C2orf76: variants seen among roughly 807,000 people sequenced by gnomAD.
C2orf76 encodes the protein UPF0538 protein C2orf76.
A neutral mutation model predicts 16.9 loss-of-function variants in C2orf76; 23 were observed. That is an observed-to-expected ratio of 1.36 (90% CI 0.98 to 1.93). The LOEUF is 1.93. Among genes scored for constraint, C2orf76 ranks in the 30% most tolerant of loss-of-function variants. The pLI is 0.00. For missense variants in C2orf76, 152 were observed against 152.6 expected, an observed-to-expected ratio of 1.00 and a Z score of 0.02; for synonymous variants, 48 against 52.3, an observed-to-expected ratio of 0.92 and a Z score of 0.35.
the C2orf76 span, among the ~76,000 whole-genome samples, chr2:119,290,114 C>T: frequency 2.0e-5 from 3 of 151,838 alleles, no homozygotes; most frequent in African/African-American, 7.2e-5. Flanking sequence ...ATGGGAGTCA[C>T]CATTTGACCC....
chr2:119,332,676 G>A (rs141239716), intron 2 of C2orf76, among the ~76,000 whole-genome samples: 4 of 152,110 alleles, frequency 2.6e-5, no homozygotes, highest in African/African-American at 4.8e-5. Flanking sequence ...TAGCACACCC[G>A]CTCTGTTGTT....
At chr2:119,333,818 A>T (rs1350862672) in intron 2 of C2orf76, among the ~76,000 whole-genome samples, 1 of 152,232 alleles carries the variant, frequency 6.6e-6, no homozygotes, top group Non-Finnish European at 1.5e-5. Flanking sequence ...ACTGGCCTAA[A>T]TTTTTCTTTA....
At chr2:119,355,763 C>T (rs1680550634) in intron 1 of C2orf76, among the ~76,000 whole-genome samples, 1 of 152,112 alleles carries the variant, frequency 6.6e-6, no homozygotes, top group Non-Finnish European at 1.5e-5. Flanking sequence ...CATGAAAAAA[C>T]TGTCTTCCAT....
At chr2:119,295,233 C>T in the C2orf76 span, among the ~76,000 whole-genome samples, 8 of 152,168 alleles carry the variant, frequency 5.3e-5, no homozygotes, top group South Asian at 1.7e-3. Flanking sequence ...CGAGAGATAG[C>T]TGCGGTCAGC....
intron 2 of C2orf76, among the ~76,000 whole-genome samples, chr2:119,325,459 A>AAC (rs1679481006): frequency 7.1e-6 from 1 of 141,086 alleles, no homozygotes; most frequent in Non-Finnish European, 1.5e-5. Flanking sequence ...GACTGTCTCA[A>AAC]AAAAAAAAAA....
intron 5 of C2orf76, among the ~76,000 whole-genome samples, chr2:119,310,920 GAC>G (rs1272470932): frequency 6.6e-6 from 1 of 152,164 alleles, no homozygotes; most frequent in East Asian, 1.9e-4. Context: ...CATGGCTTGT[GAC>G]ACTGCATCCG....
chr2:119,329,207 G>C (rs1045558758), intron 2 of C2orf76, among the ~76,000 whole-genome samples: 6 of 152,002 alleles, frequency 3.9e-5, no homozygotes, highest in Admixed American at 6.6e-5. Flanking sequence ...CATTTATTTT[G>C]AAATTCTGTT....
chr2:119,299,744 T>C (rs1678588874), downstream of C2orf76, among the ~76,000 whole-genome samples: 1 of 152,258 alleles, frequency 6.6e-6, no homozygotes, highest in African/African-American at 2.4e-5. Context: ...TATACATACA[T>C]ATTTTTGCAT....
intron 4 of C2orf76, among the ~76,000 whole-genome samples, chr2:119,315,014 G>A (rs1419765923): frequency 6.6e-6 from 1 of 152,148 alleles, no homozygotes; most frequent in African/African-American, 2.4e-5. Flanking sequence ...GAGGGGTGAG[G>A]AAGGACAGCA....
chr2:119,298,432 T>C (rs79610289), downstream of C2orf76, among the ~76,000 whole-genome samples: 2,468 of 152,204 alleles, frequency 0.016, 60 homozygotes, highest in African/African-American at 0.055. Context: ...TTCTATTCCA[T>C]TGATCATTTT....
rs181084924 is a variant in C2orf76, at chr2:119,334,346, T to C, written c.133+5481A>G. ...TTTGTCAAAAACCCAAAGAACTTTG[T>C]AGCACAAAGAGTGAACCTCAATGTA... On this transcript the variant is annotated intron_variant, in intron 2 of 5. Transcript: ENST00000334816. 6.0e-3 allele frequency among the ~76,000 whole-genome samples: 720 copies of C among 119,548 alleles called. 5 individuals are homozygous for C. Among genetic ancestry groups the C allele is most frequent in the African/African-American group, 0.022 (695 of 31,410 alleles). 78.4% of individuals were successfully genotyped at this position (119,548 alleles called of 152,430 possible). A position where few individuals can be genotyped will look rare whatever the true frequency, so the allele number is the denominator to read the frequency against.
intron 1 of C2orf76, among the ~76,000 whole-genome samples, chr2:119,346,723 T>C (rs1376616639): frequency 2.0e-5 from 3 of 152,212 alleles, no homozygotes; most frequent in Non-Finnish European, 2.9e-5. Context: ...TTCTTGACTG[T>C]AGTGTTACCC....
intron 1 of C2orf76, among the ~76,000 whole-genome samples, chr2:119,347,420 T>A (rs530706871): frequency 2.0e-5 from 3 of 152,232 alleles, no homozygotes; most frequent in Non-Finnish European, 4.4e-5. Context: ...TATTAGATGA[T>A]ATTAGGAATT....
Position 119,323,909 on chromosome 2 carries a change from T to C in C2orf76, c.134-2705A>G, listed in dbSNP as rs182409545. Among the ~76,000 whole-genome samples, 18 of 152,296 alleles carry C rather than the reference T, an allele frequency of 1.2e-4. 1 individual carries two copies. In the East Asian group the frequency reaches 3.1e-3, roughly 26 times the overall value. ...AAATTTCTTGACTTTTAAAACACTA[T>C]AGGCCAAAAGAAACCTCTCTGGAGG... On this transcript the variant is annotated intron_variant, in intron 2 of 5. Transcript: ENST00000334816.
chr2:119,323,213 G>A (rs1679403148), intron 2 of C2orf76, among the ~76,000 whole-genome samples: 1 of 150,812 alleles, frequency 6.6e-6, no homozygotes, highest in Admixed American at 6.6e-5. Flanking sequence ...TAATAGACAG[G>A]TTTCACTAGG....
chr2:119,286,600 T>A, the C2orf76 span, among the ~76,000 whole-genome samples: 1 of 152,090 alleles, frequency 6.6e-6, no homozygotes, highest in African/African-American at 2.4e-5. Flanking sequence ...CACTACACCA[T>A]GCCAGAGTGT....
intron 4 of C2orf76, among the ~76,000 whole-genome samples, chr2:119,314,014 G>GT (rs368623211): frequency 0.064 from 5,499 of 85,970 alleles, 396 homozygotes; most frequent in African/African-American, 0.13. Flanking sequence ...TTTCTCAGTG[G>GT]TTTTTTTTTT....
In C2orf76 at chr2:119,348,046, CAAAA is replaced by C. The variant is rs1205382710; in HGVS notation, c.-12-8079_-12-8076del. ...TGGGAAACAGGACAAGGCTCTGTCTCAAAAAAAAAAAAAAAAAAAAAAAATACTA... is the reference window on the plus strand; with the variant it reads ...TGGGAAACAGGACAAGGCTCTGTCTCAAAAAAAAAAAAAAAAAAAATACTA... On this transcript the variant is annotated intron_variant, in intron 1 of 5. Coordinates refer to ENST00000334816, the MANE Select transcript of C2orf76 (RefSeq NM_001322331.2). Among the ~76,000 whole-genome samples the C allele has an allele frequency of 5.6e-3, 456 of 81,990 alleles. 4 individuals are homozygous for C. The highest frequency in any genetic ancestry group is 0.019 in the African/African-American group (414 of 21,500). The allele number at this position is 81,990 out of a possible 152,430, so 53.8% of individuals were successfully genotyped here. A position where few individuals can be genotyped will look rare whatever the true frequency, so the allele number is the denominator to read the frequency against.
At chr2:119,358,722 A>G (rs1193254144) in intron 1 of C2orf76, among the ~76,000 whole-genome samples, 2 of 152,130 alleles carry the variant, frequency 1.3e-5, no homozygotes, top group African/African-American at 2.4e-5. Flanking sequence ...CTTCAATTCT[A>G]TGAAGGCTAA....
Sources: gnomAD v4.1 joint callset for allele counts (sites outside exome capture counted in the v4.1 genomes callset) on GRCh38, gnomAD v4.1.1 for gene constraint, MANE v1.5 for transcripts, NCBI Gene and HGNC (gene_info 2026-07-23, HGNC 2026-07-21) for gene names.